The following ETV6 variants were observed in gnomAD, a reference collection of about 807,000 sequenced individuals.
ETV6 encodes transcription factor ETV6.
ETV6 carries 16 observed loss-of-function variants against 51.1 expected under a neutral mutation model. The observed-to-expected ratio is 0.31, with a 90% CI of 0.21 to 0.48. The LOEUF (loss-of-function observed/expected upper bound fraction) is 0.48. ETV6 is among the 20% of genes least tolerant of loss of function. ETV6 has a pLI of 0.99. For synonymous variants in ETV6, 240 were observed against 224.1 expected, an observed-to-expected ratio of 1.07 and a Z score of -0.64; for missense variants, 458 against 594.8, an observed-to-expected ratio of 0.77 and a Z score of 2.39.
At chr12:11,686,304 G>T (rs1169002347) in intron 1 of ETV6, among the ~76,000 whole-genome samples, 1 of 152,230 alleles carries the variant, frequency 6.6e-6, no homozygotes, top group Non-Finnish European at 1.5e-5. Context: ...GGGATAGAGA[G>T]TTTATGGTAG....
chr12:11,788,629 C>T (rs1214814074), intron 2 of ETV6, among the ~76,000 whole-genome samples: 1 of 152,110 alleles, frequency 6.6e-6, no homozygotes, highest in East Asian at 1.9e-4. Flanking sequence ...TTCAATGTCC[C>T]CACTCCCCTC....
chr12:11,846,606 A>G (rs1024711218), intron 3 of ETV6, among the ~76,000 whole-genome samples: 1 of 146,340 alleles, frequency 6.8e-6, no homozygotes, highest in Admixed American at 6.9e-5. Context: ...AAGAGTGGGC[A>G]AAAAAAAAAA....
At chr12:11,681,574 A>G (rs1039460512) in intron 1 of ETV6, among the ~76,000 whole-genome samples, 8 of 152,190 alleles carry the variant, frequency 5.3e-5, no homozygotes, top group African/African-American at 1.9e-4. Context: ...TATTATTATT[A>G]TTATCATTTA....
intron 5 of ETV6, among the ~76,000 whole-genome samples, chr12:11,883,276 CTTTTTTTTTTTTTTTTTTTTTTTTT>C (rs547786286): frequency 2.5e-5 from 2 of 79,116 alleles, no homozygotes; most frequent in African/African-American, 1.5e-4. Context: ...ATGTCTTCTT[CTTTTTTTTTTTTTTTTTTTTTTTTT>C]TTTTTTTTTT....
intron 1 of ETV6, among the ~76,000 whole-genome samples, chr12:11,653,356 T>C (rs1453493400): frequency 6.6e-6 from 1 of 152,162 alleles, no homozygotes; most frequent in Non-Finnish European, 1.5e-5. Context: ...CACAGCTTGT[T>C]AGTGGGCCAG....
chr12:11,817,304 A>G (rs533679415), intron 2 of ETV6, among the ~76,000 whole-genome samples: 1 of 152,350 alleles, frequency 6.6e-6, no homozygotes, highest in African/African-American at 2.4e-5. Context: ...TTCTTTCAAT[A>G]CTTATTCTCG....
At chr12:11,788,646 C>T (rs970210544) in intron 2 of ETV6, among the ~76,000 whole-genome samples, 7 of 152,210 alleles carry the variant, frequency 4.6e-5, no homozygotes, top group Admixed American at 2.0e-4. Flanking sequence ...CCTCCCTTCA[C>T]TCTTGATTTC....
Position 11,853,407 on chromosome 12 carries a change from C to G in ETV6, c.329-20C>G, listed in dbSNP as rs776304577. 3 of 1,613,868 alleles carry G rather than the reference C, an allele frequency of 1.9e-6. No homozygotes were observed. In the Admixed American group the frequency reaches 5.0e-5, roughly 27 times the overall value. Reference sequence around the variant, plus strand: ...AAACATCTTTCCATTTCTCGATTTCCCTTTCCTTTTTCTTTCCAGGTGATG... The same window carrying G: ...AAACATCTTTCCATTTCTCGATTTCGCTTTCCTTTTTCTTTCCAGGTGATG... On this transcript the variant is annotated intron_variant, in intron 3 of 7. Coordinates refer to ENST00000396373, the MANE Select transcript of ETV6 (RefSeq NM_001987.5).
In ETV6 at chr12:11,856,845, A is replaced by T. The variant is rs188130301; in HGVS notation, c.463+3284A>T. Among the ~76,000 whole-genome samples the T allele has an allele frequency of 9.8e-4, 149 of 152,262 alleles. 1 individual carries two copies. The highest frequency in any genetic ancestry group is 2.0e-3 in the Non-Finnish European group (133 of 68,036). ...AAAAAAATCTGTCAAGTGAAATTAT[A>T]CATATCAAATATTACTTCCCCAGTG... On this transcript the variant is annotated intron_variant, in intron 4 of 7. Transcript: ENST00000396373.
At chr12:11,830,414 A>T (rs567647428) in intron 2 of ETV6, among the ~76,000 whole-genome samples, 11 of 152,326 alleles carry the variant, frequency 7.2e-5, no homozygotes, top group African/African-American at 2.6e-4. Context: ...ACCTTGGGAA[A>T]GTCCCTCGAT....
At chr12:11,776,187 G>A (rs781732079) in intron 2 of ETV6, among the ~76,000 whole-genome samples, 21 of 152,162 alleles carry the variant, frequency 1.4e-4, no homozygotes, top group Admixed American at 7.2e-4. Flanking sequence ...TACACTGAAC[G>A]TGAATCCTCA....
At chr12:11,761,140 T>G (rs1945081059) in intron 2 of ETV6, among the ~76,000 whole-genome samples, 1 of 152,152 alleles carries the variant, frequency 6.6e-6, no homozygotes. Flanking sequence ...TATTACTCTT[T>G]AAAAGTCTGA....
intron 1 of ETV6, among the ~76,000 whole-genome samples, chr12:11,669,356 G>GTCCTCCCTTCCTCCCTTCCTCCCT (rs796691649): frequency 8.5e-5 from 10 of 117,018 alleles, no homozygotes; most frequent in South Asian, 2.7e-4. Flanking sequence ...CCGTCCTCCT[G>GTCCTCCCTTCCTCCCTTCCTCCCT]TCCTCCCTTC....
At position 11,746,006 on chromosome 12, in the gene ETV6, C is replaced by T. The variant is rs1374395015; in HGVS notation, c.34-6444C>T. On this transcript the variant is annotated intron_variant, in intron 1 of 7. Coordinates refer to ENST00000396373, the MANE Select transcript of ETV6 (RefSeq NM_001987.5). ...TGCCATGAGAACTTTTCTCATACATCAGATAGAGTCCCCTTCCGTCAGCTG... is the reference window on the plus strand; with the variant it reads ...TGCCATGAGAACTTTTCTCATACATTAGATAGAGTCCCCTTCCGTCAGCTG... Among the ~76,000 whole-genome samples the T allele has an allele frequency of 2.6e-5, 4 of 152,144 alleles. No homozygotes were observed. In the East Asian group the frequency reaches 7.7e-4, roughly 29 times the overall value.
intron 1 of ETV6, among the ~76,000 whole-genome samples, chr12:11,684,397 C>G (rs1333548416): frequency 1.3e-5 from 2 of 152,124 alleles, no homozygotes; most frequent in Non-Finnish European, 2.9e-5. Context: ...GAAAGTCTTT[C>G]TCTACTCTAA....
chr12:11,801,462 T>C (rs1945747779), intron 2 of ETV6, among the ~76,000 whole-genome samples: 1 of 152,210 alleles, frequency 6.6e-6, no homozygotes, highest in South Asian at 2.1e-4. Flanking sequence ...GAAGTATAGG[T>C]TGTGCTCTGT....
At chr12:11,702,009 C>T (rs893163999) in intron 1 of ETV6, among the ~76,000 whole-genome samples, 3 of 151,984 alleles carry the variant, frequency 2.0e-5, no homozygotes, top group South Asian at 2.1e-4. Flanking sequence ...GACATTAGGG[C>T]GTATATGAAT....
rs1029366385 is a variant in ETV6, at chr12:11,812,189, A to G, written c.164-26951A>G. ...TGCTCATTATTGTAGATATTCTCCCATTTTGGAGAAATTGACCGCGTGCAC... is the reference window on the plus strand; with the variant it reads ...TGCTCATTATTGTAGATATTCTCCCGTTTTGGAGAAATTGACCGCGTGCAC... On this transcript the variant is annotated intron_variant, in intron 2 of 7. Coordinates refer to ENST00000396373, the MANE Select transcript of ETV6 (RefSeq NM_001987.5). Among the ~76,000 whole-genome samples, 75 of 152,122 alleles carry G rather than the reference A, an allele frequency of 4.9e-4. 1 individual carries two copies. The highest frequency in any genetic ancestry group is 4.1e-3 in the Admixed American group (62 of 15,268).
At chr12:11,790,825 G>A (rs758706302) in intron 2 of ETV6, among the ~76,000 whole-genome samples, 26 of 151,764 alleles carry the variant, frequency 1.7e-4, no homozygotes, top group South Asian at 4.2e-4. Flanking sequence ...TCACAGGCGC[G>A]CGCCACCACA....
Sources: gnomAD v4.1 joint callset for allele counts (sites outside exome capture counted in the v4.1 genomes callset) on GRCh38, gnomAD v4.1.1 for gene constraint, MANE v1.5 for transcripts, NCBI Gene and HGNC (gene_info 2026-07-23, HGNC 2026-07-21) for gene names.